The following ROR1 variants were observed in gnomAD, a reference collection of about 807,000 sequenced individuals.
ROR1 encodes the protein ROR family WNT receptor 1, also known as inactive tyrosine-protein kinase transmembrane receptor ROR1.
In ROR1, 19 loss-of-function variants were observed where a neutral mutation model predicts 78.8. The ratio of observed to expected loss-of-function variants is 0.24; its 90% CI spans 0.17 to 0.35. ROR1 has a LOEUF of 0.35. Among genes scored for constraint, ROR1 ranks in the 10% least tolerant of loss-of-function variants. The probability of loss-of-function intolerance (pLI) is 1.00; values close to 1 mark genes in which losing one functional copy is unlikely to be tolerated. For missense variants in ROR1, 917 were observed against 1,177.8 expected (o/e 0.78, Z 3.24); for synonymous variants, 386 against 433.6 (o/e 0.89, Z 1.36).
chr1:64,089,431 GAA>G (rs1647178427), intron 4 of ROR1, among the ~76,000 whole-genome samples: 1 of 151,964 alleles, frequency 6.6e-6, no homozygotes, highest in African/African-American at 2.4e-5. Context: ...AGCTGGCCTT[GAA>G]CTCCTGGGCT....
At chr1:64,171,722 G>A (rs1388739797) in intron 8 of ROR1, among the ~76,000 whole-genome samples, 1 of 152,178 alleles carries the variant, frequency 6.6e-6, no homozygotes, top group African/African-American at 2.4e-5. Context: ...TTCTGTCCCA[G>A]AGAACCACCC....
intron 7 of ROR1, among the ~76,000 whole-genome samples, chr1:64,143,981 G>A (rs1649409518): frequency 6.6e-6 from 1 of 152,192 alleles, no homozygotes; most frequent in South Asian, 2.1e-4. Flanking sequence ...GCAAAAGCAA[G>A]GAGATCAGTT....
intron 1 of ROR1, among the ~76,000 whole-genome samples, chr1:63,796,509 T>G (rs557301968): frequency 6.6e-6 from 1 of 152,314 alleles, no homozygotes; most frequent in Non-Finnish European, 1.5e-5. Flanking sequence ...TAGTAATGTA[T>G]TATTTTGTGT....
intron 7 of ROR1, among the ~76,000 whole-genome samples, chr1:64,157,747 A>G (rs1010261162): frequency 6.6e-6 from 1 of 151,942 alleles, no homozygotes; most frequent in Non-Finnish European, 1.5e-5. Context: ...TCTTTCTTCT[A>G]TTTTCCTTAC....
At chr1:64,080,222 C>A (rs1469112562) in intron 4 of ROR1, among the ~76,000 whole-genome samples, 1 of 152,116 alleles carries the variant, frequency 6.6e-6, no homozygotes, top group African/African-American at 2.4e-5. Context: ...GTGATTTTGA[C>A]CCTCAGAGGG....
At position 64,165,360 on chromosome 1, in the gene ROR1, CAT is replaced by C. The variant is rs375017686; in HGVS notation, c.1386+6171_1386+6172del. Among the ~76,000 whole-genome samples, 325 of 152,106 alleles carry C rather than the reference CAT, an allele frequency of 2.1e-3. 6 individuals carry two copies. Among genetic ancestry groups the C allele is most frequent in the African/African-American group, 7.5e-3 (313 of 41,482 alleles). On this transcript the variant is annotated intron_variant, in intron 8 of 8. Transcript: ENST00000371079. ...TAATCAGTGATGTTGAGCTTTTTTT[CAT>C]ATGTTTGTTGGCCACACGTATGTCT...
rs75566046 is a variant in ROR1, at chr1:64,178,807, C to T, written c.2766C>T (p.Asp922=). Reference sequence around the variant, plus strand: ...CAAAGCAAGCATCTTTACTAGGAGACGCCAATATTCATGGACACACCGAAT... The same window carrying T: ...CAAAGCAAGCATCTTTACTAGGAGATGCCAATATTCATGGACACACCGAAT... ...IDSKQASLLG[D]ANIHGHTESM... The change falls in exon 9 of 9, where the codon GAC becomes GAT. Residue 922 remains aspartate, a synonymous_variant. Coordinates refer to ENST00000371079, the MANE Select transcript of ROR1 (RefSeq NM_005012.4). This position sits in a 1 kb window ranked among gnomAD's most constrained non-coding sequence, Gnocchi z 4.3. 2.3e-4 allele frequency: 366 copies of T among 1,613,918 alleles called. 2 individuals carry two copies. Among genetic ancestry groups the T allele is most frequent in the South Asian group, 1.4e-3 (123 of 91,062 alleles).
chr1:63,860,582 CACACACACACACACACACACACAT>C (rs1243368250), intron 1 of ROR1, among the ~76,000 whole-genome samples: 1 of 143,318 alleles, frequency 7.0e-6, no homozygotes, highest in Non-Finnish European at 1.5e-5. Context: ...CACACACACA[CACACACACACACACACACACACAT>C]ACACACACAC....
intron 4 of ROR1, among the ~76,000 whole-genome samples, chr1:64,120,653 G>A (rs1648498351): frequency 6.6e-6 from 1 of 152,036 alleles, no homozygotes; most frequent in East Asian, 1.9e-4. Flanking sequence ...AGGTCTAATG[G>A]TAACAATGGC....
chr1:63,917,229 T>A (rs1167547675), intron 1 of ROR1, among the ~76,000 whole-genome samples: 2 of 152,156 alleles, frequency 1.3e-5, no homozygotes, highest in Non-Finnish European at 2.9e-5. Context: ...GGACTGTGAA[T>A]TCCATGAGGG....
chr1:64,096,546 A>C (rs1295728788), intron 4 of ROR1, among the ~76,000 whole-genome samples: 2 of 152,182 alleles, frequency 1.3e-5, no homozygotes, highest in African/African-American at 4.8e-5. Context: ...AGCTCCGTCC[A>C]TGGCCCTGCA....
chr1:64,155,154 C>A (rs111260017), intron 7 of ROR1, among the ~76,000 whole-genome samples: 1,663 of 152,030 alleles, frequency 0.011, 26 homozygotes, highest in African/African-American at 0.038. Flanking sequence ...GTCTTAATTT[C>A]TCTGTGTGTA....
chr1:64,074,124 C>T (rs989115372), intron 4 of ROR1, among the ~76,000 whole-genome samples: 14 of 152,096 alleles, frequency 9.2e-5, no homozygotes, highest in African/African-American at 1.9e-4. Context: ...TTTTCCTTTG[C>T]GGAAAACCAC....
intron 1 of ROR1, among the ~76,000 whole-genome samples, chr1:63,883,688 A>G (rs149149465): frequency 1.3e-5 from 2 of 152,152 alleles, no homozygotes; most frequent in Non-Finnish European, 2.9e-5. Flanking sequence ...TCCATAACCC[A>G]TGTTGTTGTC....
chr1:63,805,504 G>T (rs1020858033), intron 1 of ROR1, among the ~76,000 whole-genome samples: 1 of 152,254 alleles, frequency 6.6e-6, no homozygotes, highest in African/African-American at 2.4e-5. Context: ...ATAAATGATT[G>T]CTCCTAATGC....
At position 64,179,893 on chromosome 1, in the gene ROR1, C is replaced by G. The variant is rs531484417; in HGVS notation, c.*1038C>G. ...GGAAGTAGGAAACTCCATCATGATA[C>G]AAATGTCTAGTAATTTTAAAGTTTC... On this transcript the variant is annotated 3_prime_UTR_variant, in exon 9 of 9. Coordinates refer to ENST00000371079, the MANE Select transcript of ROR1 (RefSeq NM_005012.4). 6.6e-6 allele frequency: 1 copy of G among 152,138 alleles called. No individual in the cohort carries two copies. The highest frequency in any genetic ancestry group is 1.9e-4 in the East Asian group (1 of 5,190). The allele number at this position is 152,138 out of a possible 1,614,324, so 9.4% of individuals were successfully genotyped here. A position where few individuals can be genotyped will look rare whatever the true frequency, so the allele number is the denominator to read the frequency against.
intron 7 of ROR1, among the ~76,000 whole-genome samples, chr1:64,146,405 G>A (rs552398302): frequency 2.0e-5 from 3 of 152,310 alleles, no homozygotes; most frequent in African/African-American, 7.2e-5. Flanking sequence ...GAACTTGGGA[G>A]GCGGAGGTTG....
intron 1 of ROR1, among the ~76,000 whole-genome samples, chr1:63,950,360 T>G (rs1281829308): frequency 6.6e-6 from 1 of 152,206 alleles, no homozygotes. Flanking sequence ...ATTCTTCCTT[T>G]CAGACCATAT....
At chr1:63,903,152 A>T (rs1045300750) in intron 1 of ROR1, among the ~76,000 whole-genome samples, 2 of 152,184 alleles carry the variant, frequency 1.3e-5, no homozygotes, top group Non-Finnish European at 2.9e-5. Context: ...CTGTTAAGAT[A>T]AGGGAAAAGG....
Sources: gnomAD v4.1 joint callset for allele counts (sites outside exome capture counted in the v4.1 genomes callset) on GRCh38, gnomAD v4.1.1 for gene constraint, Gnocchi (gnomAD v3.1) non-coding constraint, MANE v1.5 for transcripts, NCBI Gene and HGNC (gene_info 2026-07-23, HGNC 2026-07-21) for gene names.